The following PSIP1 variants were observed in gnomAD, a reference collection of about 807,000 sequenced individuals.
The protein encoded by PSIP1 is PC4 and SRSF1 interacting protein 1.
PSIP1 carries 19 observed loss-of-function variants against 74.7 expected under a neutral mutation model. The observed-to-expected ratio is 0.25, with a 90% CI of 0.18 to 0.37. The LOEUF is 0.37. PSIP1 is among the 10% of genes least tolerant of loss of function. The probability of loss-of-function intolerance (pLI) is 1.00; values close to 1 mark genes in which losing one functional copy is unlikely to be tolerated. For missense variants in PSIP1, 601 were observed against 614.3 expected, an observed-to-expected ratio of 0.98 and a Z score of 0.23; for synonymous variants, 222 against 195.3, an observed-to-expected ratio of 1.14 and a Z score of -1.14.
At position 15,494,254 on chromosome 9, in the gene PSIP1, A is replaced by G. The variant is rs545076951; in HGVS notation, c.150-4130T>C. On this transcript the variant is annotated intron_variant, in intron 3 of 15. Transcript: ENST00000380733. The stretch of plus-strand genomic sequence containing the variant: ...AAAAAGGCTCTAAAATAAAATTTCA[A>G]TTAAAAGACTTAAGAGTTCTATTTA... Among the ~76,000 whole-genome samples the G allele has an allele frequency of 2.2e-4, 34 of 152,324 alleles. No homozygotes were observed. The East Asian group carries it at 4.4e-3, about 20-fold the overall frequency.
At chr9:15,488,635 C>T (rs2737840) in intron 4 of PSIP1, among the ~76,000 whole-genome samples, 10,704 of 152,102 alleles carry the variant, frequency 0.07, 518 homozygotes, top group African/African-American at 0.14. Context: ...GCCTATAATC[C>T]CAGCACTTTG....
rs1030959545 is a variant in PSIP1, at chr9:15,473,949, CA to C, written c.858+59del. The C allele has an allele frequency of 1.4e-5, 12 of 842,848 alleles. No individual in the cohort carries two copies. The African/African-American group carries it at 2.3e-4, about 16-fold the overall frequency. The allele number at this position is 842,848 out of a possible 1,614,324, so 52.2% of individuals were successfully genotyped here. A position where few individuals can be genotyped will look rare whatever the true frequency, so the allele number is the denominator to read the frequency against. ...AAACAAAAAAAAAACAAAGAAAAAA[CA>C]AAAAATATATATATAAACTAAGAAT... On this transcript the variant is annotated intron_variant, in intron 9 of 15. Coordinates refer to ENST00000380733, the MANE Select transcript of PSIP1 (RefSeq NM_033222.5).
rs2035521009 is a variant in PSIP1, at chr9:15,465,061, C to G, written c.*459G>C. Reference sequence around the variant, plus strand: ...TGTATAGAAGTAACATTTTATCTACCATAAAAATGTGTAACTTCTACAAAA... The same window carrying G: ...TGTATAGAAGTAACATTTTATCTACGATAAAAATGTGTAACTTCTACAAAA... On this transcript the variant is annotated 3_prime_UTR_variant, in exon 16 of 16. Coordinates refer to ENST00000380733, the MANE Select transcript of PSIP1 (RefSeq NM_033222.5). 1 of 224,744 alleles carries G rather than the reference C, an allele frequency of 4.4e-6. No individual in the cohort carries two copies. Among genetic ancestry groups the G allele is most frequent in the Non-Finnish European group, 8.9e-6 (1 of 112,926 alleles). 13.9% of individuals were successfully genotyped at this position (224,744 alleles called of 1,614,324 possible). A position where few individuals can be genotyped will look rare whatever the true frequency, so the allele number is the denominator to read the frequency against.
At chr9:15,500,628 T>C (rs1002731333) in intron 3 of PSIP1, among the ~76,000 whole-genome samples, 1 of 152,162 alleles carries the variant, frequency 6.6e-6, no homozygotes, top group African/African-American at 2.4e-5. Flanking sequence ...ATTACTTTAT[T>C]TTCTTCTTGT....
chr9:15,484,850 T>G (rs995007883), intron 6 of PSIP1, among the ~76,000 whole-genome samples: 5 of 147,072 alleles, frequency 3.4e-5, no homozygotes, highest in African/African-American at 1.3e-4. Context: ...GAGGTGGAGG[T>G]TGCAGTGAGC....
intron 3 of PSIP1, chr9:15,506,334 A>G (rs1343099139): frequency 2.6e-6 from 1 of 381,736 alleles, no homozygotes; most frequent in Non-Finnish European, 4.7e-6. Flanking sequence ...TATTGCTCAG[A>G]GAATTTCTAC....
chr9:15,496,379 G>A (rs16933329), intron 3 of PSIP1, among the ~76,000 whole-genome samples: 6,280 of 152,186 alleles, frequency 0.041, 435 homozygotes, highest in African/African-American at 0.14. Context: ...TGCCATTCCT[G>A]CTTTCTTTGT....
At chr9:15,481,023 A>G (rs2036313272) in intron 6 of PSIP1, among the ~76,000 whole-genome samples, 1 of 152,252 alleles carries the variant, frequency 6.6e-6, no homozygotes, top group Non-Finnish European at 1.5e-5. Flanking sequence ...TAACTGAAAC[A>G]TAATGAAGCA....
intron 3 of PSIP1, among the ~76,000 whole-genome samples, chr9:15,501,734 T>C (rs2037352531): frequency 6.6e-6 from 1 of 151,650 alleles, no homozygotes; most frequent in South Asian, 2.1e-4. Flanking sequence ...AAAGATCTCT[T>C]TGACTAGACA....
Position 15,510,238 on chromosome 9 carries a change from T to C in PSIP1, c.-50A>G, listed in dbSNP as rs1033596107. On this transcript the variant is annotated 5_prime_UTR_variant, in exon 2 of 16. Coordinates refer to ENST00000380733, the MANE Select transcript of PSIP1 (RefSeq NM_033222.5). ...CGAAGCCCGGGAGGCGGCGAGGAGA[T>C]GCGGCGGCGCGGGGATGCGGGCGGC... is the stretch of plus-strand genomic sequence containing the variant. The C allele has an allele frequency of 2.6e-6, 4 of 1,561,204 alleles. No individual in the cohort carries two copies. Among genetic ancestry groups the C allele is most frequent in the South Asian group, 2.3e-5 (2 of 87,248 alleles).
Position 15,506,681 on chromosome 9 carries a change from C to T in PSIP1, c.73-44G>A, listed in dbSNP as rs780959609. The T allele has an allele frequency of 1.5e-5, 21 of 1,389,886 alleles. No homozygotes were observed. The Admixed American group carries it at 2.0e-4, about 14-fold the overall frequency. The allele number at this position is 1,389,886 out of a possible 1,614,324, so 86.1% of individuals were successfully genotyped here. A position where few individuals can be genotyped will look rare whatever the true frequency, so the allele number is the denominator to read the frequency against. ...AAATTAAAATATTTTAAATCATACA[C>T]ACCTCAACATTTATCTGAATAAACA... is the stretch of plus-strand genomic sequence containing the variant. On this transcript the variant is annotated intron_variant, in intron 2 of 15. Coordinates refer to ENST00000380733, the MANE Select transcript of PSIP1 (RefSeq NM_033222.5).
At chr9:15,479,479 C>T (rs1029845190) in intron 7 of PSIP1, 112 bp downstream of exon 7, 2 of 682,434 alleles carry the variant, frequency 2.9e-6, no homozygotes, top group East Asian at 2.8e-5. Flanking sequence ...GTATGTTACA[C>T]ATAATCAATT....
Position 15,473,993 on chromosome 9 carries a change from T to A in PSIP1, c.858+16A>T, listed in dbSNP as rs1468786070. 6.4e-7 allele frequency: 1 copy of A among 1,569,972 alleles called. No individual in the cohort carries two copies. Among genetic ancestry groups the A allele is most frequent in the Non-Finnish European group, 8.7e-7 (1 of 1,147,436 alleles). ...CTAAGAATAGAACAGCCATTTTATA[T>A]ATGTAAACTTTATACCTTTTCACCT... On this transcript the variant is annotated intron_variant, in intron 9 of 15. Transcript: ENST00000380733.
At chr9:15,492,478 C>T (rs576735229) in intron 3 of PSIP1, among the ~76,000 whole-genome samples, 1 of 152,186 alleles carries the variant, frequency 6.6e-6, no homozygotes, top group Non-Finnish European at 1.5e-5. Context: ...TATGGTTTTG[C>T]ATGGTACACA....
chr9:15,492,890 C>T (rs1275857761), intron 3 of PSIP1, among the ~76,000 whole-genome samples: 1 of 152,202 alleles, frequency 6.6e-6, no homozygotes, highest in Admixed American at 6.5e-5. Flanking sequence ...AAGACTGGAG[C>T]AGCTGGGACA....
At chr9:15,486,708 T>C in intron 5 of PSIP1, 119 bp downstream of exon 5, 2 of 727,438 alleles carry the variant, frequency 2.7e-6, no homozygotes, top group South Asian at 3.3e-5. Context: ...CTTAAATATT[T>C]TCTAATTCAC....
intron 3 of PSIP1, among the ~76,000 whole-genome samples, chr9:15,495,852 T>G (rs979202379): frequency 3.3e-5 from 5 of 152,228 alleles, no homozygotes; most frequent in South Asian, 4.1e-4. Context: ...GCTGGACAAT[T>G]AGTGTCTCTC....
At chr9:15,501,207 C>T (rs1016289790) in intron 3 of PSIP1, among the ~76,000 whole-genome samples, 2 of 151,958 alleles carry the variant, frequency 1.3e-5, no homozygotes, top group African/African-American at 4.8e-5. Flanking sequence ...AGTTGCTCTA[C>T]ATAAACGTTG....
At chr9:15,479,083 T>A (rs2036225037) in intron 7 of PSIP1, among the ~76,000 whole-genome samples, 1 of 152,072 alleles carries the variant, frequency 6.6e-6, no homozygotes, top group South Asian at 2.1e-4. Flanking sequence ...AGAAAAAAAA[T>A]TCACTCAATT....
Sources: gnomAD v4.1 joint callset for allele counts (sites outside exome capture counted in the v4.1 genomes callset) on GRCh38, gnomAD v4.1.1 for gene constraint, MANE v1.5 for transcripts, NCBI Gene and HGNC (gene_info 2026-07-23, HGNC 2026-07-21) for gene names.